Variants in ATF7IP observed in about 807,000 individuals in gnomAD.
ATF7IP encodes activating transcription factor 7-interacting protein 1.
A neutral mutation model predicts 106.4 loss-of-function variants in ATF7IP; 23 were observed. That is an observed-to-expected ratio of 0.22 (90% CI 0.16 to 0.31). The LOEUF (loss-of-function observed/expected upper bound fraction) is 0.31. Among genes scored for constraint, ATF7IP ranks in the 10% least tolerant of loss-of-function variants. The pLI, the probability that ATF7IP is intolerant of heterozygous loss-of-function variation, is 1.00. For missense variants in ATF7IP, 1,334 were observed against 1,524.3 expected (o/e 0.88, Z 2.08); for synonymous variants, 542 against 539.0 (o/e 1.01, Z -0.08).
In ATF7IP at chr12:14,500,731, T is replaced by G. The variant is rs1945137163; in HGVS notation, c.*2658T>G. ...TTTTTATTTATATTTACTAATCTTT[T>G]TTAAAAAAAGCTTTCATAGCATTAT... On this transcript the variant is annotated 3_prime_UTR_variant, in exon 15 of 15. Coordinates refer to ENST00000261168, the MANE Select transcript of ATF7IP (RefSeq NM_018179.5). 1 of 152,042 alleles carries G rather than the reference T, an allele frequency of 6.6e-6. No homozygotes were observed. The highest frequency in any genetic ancestry group is 1.5e-5 in the Non-Finnish European group (1 of 67,996). The allele number at this position is 152,042 out of a possible 1,614,324, so 9.4% of individuals were successfully genotyped here.
At chr12:14,489,600 A>G (rs953493428) in intron 13 of ATF7IP, among the ~76,000 whole-genome samples, 1 of 152,162 alleles carries the variant, frequency 6.6e-6, no homozygotes, top group Non-Finnish European at 1.5e-5. Flanking sequence ...TTGGACGCTG[A>G]TTCAGAGCAT....
chr12:14,484,809 A>G (rs1008320141), intron 13 of ATF7IP, among the ~76,000 whole-genome samples: 1 of 152,124 alleles, frequency 6.6e-6, no homozygotes, highest in Non-Finnish European at 1.5e-5. Flanking sequence ...AATCACGTAT[A>G]TACTGCTTCC....
At chr12:14,376,856 G>A (rs1224886316) in intron 1 of ATF7IP, among the ~76,000 whole-genome samples, 3 of 152,092 alleles carry the variant, frequency 2.0e-5, no homozygotes, top group African/African-American at 4.8e-5. Context: ...AATCCGGAAG[G>A]CAGAGGTTGC....
intron 11 of ATF7IP, among the ~76,000 whole-genome samples, 157 bp from the exon 12 acceptor site, chr12:14,478,160 G>C (rs1944316778): frequency 6.6e-6 from 1 of 152,146 alleles, no homozygotes; most frequent in Non-Finnish European, 1.5e-5. Context: ...TTTCAAATCA[G>C]CAAAAATACA....
intron 5 of ATF7IP, among the ~76,000 whole-genome samples, chr12:14,445,153 G>A (rs112941046): frequency 0.043 from 6,603 of 151,872 alleles, 184 homozygotes; most frequent in Non-Finnish European, 0.063. Flanking sequence ...ACCACGCCTG[G>A]CTAATTTTTG....
At chr12:14,472,663 A>G (rs564460477) in intron 10 of ATF7IP, among the ~76,000 whole-genome samples, 1 of 152,238 alleles carries the variant, frequency 6.6e-6, no homozygotes, top group African/African-American at 2.4e-5. Flanking sequence ...TTTCCATGCC[A>G]TTCACATGCT....
At position 14,500,011 on chromosome 12, in the gene ATF7IP, G is replaced by A. The variant is rs749895813; in HGVS notation, c.*1938G>A. On this transcript the variant is annotated 3_prime_UTR_variant, in exon 15 of 15. Coordinates refer to ENST00000261168, the MANE Select transcript of ATF7IP (RefSeq NM_018179.5). Reference sequence around the variant, plus strand: ...TTTGGGTGTAGATAATTTAGGACTGGAGGGCTGAGTTAAGTTTTAGGAGGA... The same window carrying A: ...TTTGGGTGTAGATAATTTAGGACTGAAGGGCTGAGTTAAGTTTTAGGAGGA... 1.3e-5 allele frequency: 2 copies of A among 152,156 alleles called. No homozygotes were observed. Among genetic ancestry groups the A allele is most frequent in the Non-Finnish European group, 2.9e-5 (2 of 68,016 alleles). The allele number at this position is 152,156 out of a possible 1,614,324, so 9.4% of individuals were successfully genotyped here.
intron 5 of ATF7IP, among the ~76,000 whole-genome samples, chr12:14,441,321 C>T (rs527548337): frequency 6.6e-6 from 1 of 152,024 alleles, no homozygotes; most frequent in Admixed American, 6.6e-5. Context: ...TTTGCATTTC[C>T]CTAATGATAA....
intron 13 of ATF7IP, among the ~76,000 whole-genome samples, chr12:14,489,582 A>G (rs1414195803): frequency 1.3e-5 from 2 of 152,122 alleles, no homozygotes; most frequent in Non-Finnish European, 2.9e-5. Context: ...GAGAAACAGC[A>G]CCATATATTG....
intron 1 of ATF7IP, among the ~76,000 whole-genome samples, chr12:14,375,769 TCA>T (rs1348118837): frequency 6.6e-6 from 1 of 152,234 alleles, no homozygotes; most frequent in Non-Finnish European, 1.5e-5. Context: ...CATCTGTGCC[TCA>T]CACATATCTC....
intron 13 of ATF7IP, among the ~76,000 whole-genome samples, chr12:14,488,647 C>CACA (rs1281465536): frequency 2.0e-5 from 3 of 152,172 alleles, no homozygotes; most frequent in African/African-American, 7.2e-5. Context: ...TATTAACCAT[C>CACA]ACAAGTCTAC....
At chr12:14,426,598 A>T (rs1233498075) in intron 2 of ATF7IP, among the ~76,000 whole-genome samples, 1 of 147,782 alleles carries the variant, frequency 6.8e-6, no homozygotes, top group Non-Finnish European at 1.5e-5. Flanking sequence ...AGGCTGAGGC[A>T]GGCAGATTGC....
chr12:14,379,642 T>G (rs1389918522), intron 1 of ATF7IP, among the ~76,000 whole-genome samples: 9 of 152,062 alleles, frequency 5.9e-5, no homozygotes, highest in Non-Finnish European at 1.5e-5. Context: ...AATGCATGTT[T>G]GAAAAAGGTC....
intron 10 of ATF7IP, among the ~76,000 whole-genome samples, chr12:14,467,233 T>G (rs1943867357): frequency 1.3e-5 from 2 of 152,134 alleles, no homozygotes; most frequent in Non-Finnish European, 2.9e-5. Flanking sequence ...TCACTTCCTT[T>G]GAATCATTTC....
At chr12:14,404,839 A>ATTTT (rs200440348) in intron 1 of ATF7IP, among the ~76,000 whole-genome samples, 2 of 151,776 alleles carry the variant, frequency 1.3e-5, no homozygotes, top group Non-Finnish European at 2.9e-5. Flanking sequence ...GGCTTATTTG[A>ATTTT]TATGATGATT....
intron 1 of ATF7IP, among the ~76,000 whole-genome samples, chr12:14,383,713 T>C (rs767547571): frequency 4.6e-5 from 7 of 152,094 alleles, no homozygotes; most frequent in Non-Finnish European, 7.4e-5. Flanking sequence ...TTACCACACC[T>C]GCTAATGTTT....
chr12:14,459,444 T>C (rs1453575623), intron 8 of ATF7IP, among the ~76,000 whole-genome samples: 2 of 152,234 alleles, frequency 1.3e-5, no homozygotes, highest in Non-Finnish European at 2.9e-5. Flanking sequence ...TAAGTAAAAC[T>C]GACTTTGTTT....
intron 6 of ATF7IP, among the ~76,000 whole-genome samples, chr12:14,451,616 T>C (rs1943206084): frequency 6.6e-6 from 1 of 151,916 alleles, no homozygotes; most frequent in Non-Finnish European, 1.5e-5. Context: ...CTTTGACTTG[T>C]TGGTTTTTTT....
chr12:14,464,126 A>G (rs1236561114), intron 9 of ATF7IP, among the ~76,000 whole-genome samples: 1 of 152,170 alleles, frequency 6.6e-6, no homozygotes, highest in Non-Finnish European at 1.5e-5. Context: ...CAGCCTTGCA[A>G]TATAGTGAGA....
Sources: gnomAD v4.1 joint callset for allele counts (sites outside exome capture counted in the v4.1 genomes callset) on GRCh38, gnomAD v4.1.1 for gene constraint, MANE v1.5 for transcripts, NCBI Gene and HGNC (gene_info 2026-07-23, HGNC 2026-07-21) for gene names.